RBMS3: variants seen among roughly 807,000 people sequenced by gnomAD.
RBMS3 encodes the protein RNA-binding motif, single-stranded-interacting protein 3.
A neutral mutation model predicts 66.8 loss-of-function variants in RBMS3; 27 were observed. That is an observed-to-expected ratio of 0.40 (90% CI 0.30 to 0.56). The LOEUF (loss-of-function observed/expected upper bound fraction) is 0.56, where lower values mean the gene tolerates loss of function less well. Ranked by LOEUF, RBMS3 falls within the 20% of genes least tolerant of loss-of-function variation. RBMS3 has a pLI of 0.40. For synonymous variants in RBMS3, 188 were observed against 183.0 expected (o/e 1.03, Z -0.22); for missense variants, 513 against 549.5 (o/e 0.93, Z 0.66).
At chr3:29,544,844 G>C (rs75962247) in intron 3 of RBMS3, among the ~76,000 whole-genome samples, 3,392 of 152,100 alleles carry the variant, frequency 0.022, 98 homozygotes, top group Admixed American at 0.089. Flanking sequence ...GATAACAGAT[G>C]GGATTTGGCC....
At chr3:29,815,920 C>G (rs1440014050) in intron 6 of RBMS3, among the ~76,000 whole-genome samples, 1 of 150,694 alleles carries the variant, frequency 6.6e-6, no homozygotes, top group Non-Finnish European at 1.5e-5. Context: ...AGCACCTGTA[C>G]TCCAAAAACT....
intron 2 of RBMS3, among the ~76,000 whole-genome samples, chr3:29,439,076 C>A (rs142317737): frequency 6.6e-6 from 1 of 152,094 alleles, no homozygotes; most frequent in East Asian, 1.9e-4. Flanking sequence ...TGTGCAGAGC[C>A]AAGGGCTGGA....
intron 3 of RBMS3, among the ~76,000 whole-genome samples, chr3:29,516,604 A>G (rs1315661236): frequency 6.6e-6 from 1 of 151,952 alleles, no homozygotes; most frequent in Non-Finnish European, 1.5e-5. Flanking sequence ...CACCATGCCT[A>G]AGAAGGTCTC....
chr3:29,387,759 A>G (rs2039075587), intron 1 of RBMS3, among the ~76,000 whole-genome samples: 1 of 151,846 alleles, frequency 6.6e-6, no homozygotes, highest in African/African-American at 2.4e-5. Flanking sequence ...AAATAAATAA[A>G]TAAATAAATA....
At chr3:29,371,221 A>G (rs2038182298) in intron 1 of RBMS3, among the ~76,000 whole-genome samples, 1 of 152,182 alleles carries the variant, frequency 6.6e-6, no homozygotes, top group Non-Finnish European at 1.5e-5. Context: ...ATTTCAACAT[A>G]CTTAATGTTT....
intron 6 of RBMS3, among the ~76,000 whole-genome samples, chr3:29,792,209 G>A (rs1174339490): frequency 6.6e-6 from 1 of 152,178 alleles, no homozygotes; most frequent in East Asian, 1.9e-4. Flanking sequence ...AGGAGAGAAA[G>A]TGGATGTAGA....
chr3:29,467,101 C>A (rs184413972), intron 2 of RBMS3, among the ~76,000 whole-genome samples: 4 of 152,140 alleles, frequency 2.6e-5, no homozygotes, highest in African/African-American at 9.7e-5. Context: ...CTAAGCTTGG[C>A]TTTTCTTTTC....
intron 1 of RBMS3, among the ~76,000 whole-genome samples, chr3:29,428,586 A>G (rs12634494): frequency 0.11 from 16,017 of 151,740 alleles, 1,171 homozygotes; most frequent in East Asian, 0.29. Context: ...AAAAAAAAAA[A>G]AAGAAGAAAA....
intron 12 of RBMS3, among the ~76,000 whole-genome samples, chr3:29,987,688 T>A (rs1038869029): frequency 1.1e-4 from 16 of 152,334 alleles, no homozygotes; most frequent in African/African-American, 3.8e-4. Context: ...CTTTGCTGCT[T>A]TTTTAAATTC....
chr3:29,866,608 T>C (rs2059369321), intron 6 of RBMS3, among the ~76,000 whole-genome samples: 1 of 152,212 alleles, frequency 6.6e-6, no homozygotes, highest in Non-Finnish European at 1.5e-5. Context: ...TTACATGTGA[T>C]ATAAATACAT....
intron 3 of RBMS3, among the ~76,000 whole-genome samples, chr3:29,579,563 C>A (rs1282950430): frequency 6.6e-6 from 1 of 152,080 alleles, no homozygotes; most frequent in Non-Finnish European, 1.5e-5. Flanking sequence ...TCAGTCATAG[C>A]CCACTTTTGT....
intron 1 of RBMS3, among the ~76,000 whole-genome samples, chr3:29,306,612 C>G (rs1228712083): frequency 1.3e-5 from 2 of 151,894 alleles, no homozygotes; most frequent in Non-Finnish European, 2.9e-5. Context: ...GATTTTTCCT[C>G]CCTTCCTTCT....
At chr3:29,538,465 C>T (rs1013839039) in intron 3 of RBMS3, among the ~76,000 whole-genome samples, 1 of 152,150 alleles carries the variant, frequency 6.6e-6, no homozygotes, top group Non-Finnish European at 1.5e-5. Flanking sequence ...TAAGGAACAT[C>T]GTTATCCTTA....
intron 12 of RBMS3, among the ~76,000 whole-genome samples, chr3:29,976,612 C>T (rs992442487): frequency 5.3e-5 from 8 of 152,022 alleles, no homozygotes; most frequent in South Asian, 2.1e-4. Context: ...TAGGGACACT[C>T]GACGCTCAAG....
At chr3:29,373,057 G>A (rs751864121) in intron 1 of RBMS3, among the ~76,000 whole-genome samples, 4 of 151,972 alleles carry the variant, frequency 2.6e-5, no homozygotes, top group Non-Finnish European at 2.9e-5. Flanking sequence ...ACTTTCTCTG[G>A]GTTTTTAATA....
At chr3:29,832,634 C>A (rs1488130581) in intron 6 of RBMS3, among the ~76,000 whole-genome samples, 2 of 152,168 alleles carry the variant, frequency 1.3e-5, no homozygotes, top group Non-Finnish European at 2.9e-5. Context: ...GTTCCCCTAG[C>A]TGTATGGGAT....
chr3:29,836,179 C>A (rs904075215), intron 6 of RBMS3, among the ~76,000 whole-genome samples: 3 of 151,920 alleles, frequency 2.0e-5, no homozygotes, highest in African/African-American at 7.2e-5. Context: ...TGAATTATAT[C>A]AAACATTTCA....
chr3:29,540,859 T>A (rs781427639), intron 3 of RBMS3, among the ~76,000 whole-genome samples: 3 of 152,246 alleles, frequency 2.0e-5, no homozygotes, highest in Non-Finnish European at 4.4e-5. Context: ...GCAGTGGTGA[T>A]GCAGCTTTGG....
intron 4 of RBMS3, among the ~76,000 whole-genome samples, chr3:29,646,034 C>T (rs73048499): frequency 0.12 from 18,205 of 152,200 alleles, 1,176 homozygotes; most frequent in Middle Eastern, 0.2. Context: ...AACATACAAG[C>T]CTGCTATCAT....
Sources: allele counts gnomAD v4.1 joint callset (sites outside exome capture counted in the v4.1 genomes callset), GRCh38; gene constraint gnomAD v4.1.1; transcripts MANE v1.5; gene names NCBI Gene and HGNC (gene_info 2026-07-23, HGNC 2026-07-21).